ZFAND3: variants seen among roughly 807,000 people sequenced by gnomAD.
The protein encoded by ZFAND3 is zinc finger AN1-type containing 3.
A neutral mutation model predicts 29.6 loss-of-function variants in ZFAND3; 10 were observed. The observed-to-expected ratio is 0.34, with a 90% CI of 0.21 to 0.57. The LOEUF (loss-of-function observed/expected upper bound fraction) is 0.57. ZFAND3 is among the 20% of genes least tolerant of loss of function. The pLI, the probability that ZFAND3 is intolerant of heterozygous loss-of-function variation, is 0.86. For synonymous variants in ZFAND3, 128 were observed against 112.6 expected (o/e 1.14, Z -0.87); for missense variants, 230 against 304.5 (o/e 0.76, Z 1.82).
At chr6:38,149,664 C>T (rs1030713979) in intron 5 of ZFAND3, among the ~76,000 whole-genome samples, 1 of 152,126 alleles carries the variant, frequency 6.6e-6, no homozygotes, top group African/African-American at 2.4e-5. Flanking sequence ...GCTGGCTGCT[C>T]ACTAGCTGGC....
intron 2 of ZFAND3, among the ~76,000 whole-genome samples, chr6:38,048,339 A>T (rs1763949529): frequency 6.6e-6 from 1 of 151,698 alleles, no homozygotes; most frequent in Non-Finnish European, 1.5e-5. Flanking sequence ...AAATATATTC[A>T]GGCCGGGCGC....
chr6:38,053,393 T>G (rs1454674761), intron 2 of ZFAND3, among the ~76,000 whole-genome samples: 1 of 151,558 alleles, frequency 6.6e-6, no homozygotes, highest in Non-Finnish European at 1.5e-5. Context: ...TCAATTAAGA[T>G]GTTATCGAGT....
intron 2 of ZFAND3, among the ~76,000 whole-genome samples, chr6:37,954,330 A>G (rs1264801793): frequency 2.0e-5 from 3 of 152,112 alleles, no homozygotes; most frequent in East Asian, 3.9e-4. Context: ...CTTGAAGGAG[A>G]TAACTGATAG....
intron 5 of ZFAND3, among the ~76,000 whole-genome samples, chr6:38,135,048 A>G (rs1357216998): frequency 6.6e-6 from 1 of 152,206 alleles, no homozygotes; most frequent in South Asian, 2.1e-4. Context: ...AGGGGGCACT[A>G]GAACTGTTCA....
At chr6:38,094,757 T>G (rs1472588401) in intron 4 of ZFAND3, among the ~76,000 whole-genome samples, 1 of 152,228 alleles carries the variant, frequency 6.6e-6, no homozygotes, top group Non-Finnish European at 1.5e-5. Flanking sequence ...TCGGCTACAC[T>G]TGTAATTTTT....
At chr6:37,851,206 C>T (rs1050821643) in intron 1 of ZFAND3, among the ~76,000 whole-genome samples, 4 of 149,812 alleles carry the variant, frequency 2.7e-5, no homozygotes, top group African/African-American at 4.9e-5. Flanking sequence ...AGGCTGGTCT[C>T]GAACTCCTGA....
intron 4 of ZFAND3, among the ~76,000 whole-genome samples, chr6:38,101,298 C>T (rs1358039867): frequency 5.9e-5 from 9 of 152,120 alleles, no homozygotes; most frequent in Non-Finnish European, 1.2e-4. Context: ...CTCTCTTAAA[C>T]GTTGTACACA....
chr6:37,933,765 G>T (rs1479904516), intron 2 of ZFAND3, among the ~76,000 whole-genome samples: 3 of 151,478 alleles, frequency 2.0e-5, no homozygotes, highest in East Asian at 1.9e-4. Flanking sequence ...TTTTTTGTTT[G>T]TTTGTTTGTT....
In ZFAND3 at chr6:38,153,821, G is replaced by A. The variant is rs534511211; in HGVS notation, c.*1432G>A. On this transcript the variant is annotated 3_prime_UTR_variant, in exon 6 of 6. Coordinates refer to ENST00000287218, the MANE Select transcript of ZFAND3 (RefSeq NM_021943.3). ...CCTAGTGCCGCATCAGATCCAGGTG[G>A]GTGAGGGCAGGAGGCCCCTGCGGAG... The A allele has an allele frequency of 1.0e-6, 1 of 985,510 alleles. No individual in the cohort carries two copies. Among genetic ancestry groups the A allele is most frequent in the African/African-American group, 1.7e-5 (1 of 57,350 alleles). 61.0% of individuals were successfully genotyped at this position (985,510 alleles called of 1,614,324 possible).
At chr6:37,943,873 AT>A in intron 2 of ZFAND3, among the ~76,000 whole-genome samples, 1 of 152,172 alleles carries the variant, frequency 6.6e-6, no homozygotes, top group Non-Finnish European at 1.5e-5. Flanking sequence ...TTCATCTTTT[AT>A]TTGCATACTT....
chr6:38,078,731 C>T (rs568416391), intron 3 of ZFAND3, among the ~76,000 whole-genome samples: 2 of 152,308 alleles, frequency 1.3e-5, no homozygotes, highest in South Asian at 2.1e-4. Flanking sequence ...AACACACACA[C>T]ATACGTACTA....
chr6:37,843,841 A>G (rs1764125061), intron 1 of ZFAND3, among the ~76,000 whole-genome samples: 1 of 152,172 alleles, frequency 6.6e-6, no homozygotes, highest in South Asian at 2.1e-4. Flanking sequence ...TAAAAAAAAA[A>G]AAAGCTAATT....
intron 2 of ZFAND3, among the ~76,000 whole-genome samples, chr6:37,957,176 C>G (rs1269057906): frequency 1.3e-5 from 2 of 152,154 alleles, no homozygotes; most frequent in African/African-American, 4.8e-5. Context: ...GCAAGTTCCC[C>G]CCCTTTCTTC....
At chr6:37,927,125 A>G (rs981227042) in intron 1 of ZFAND3, among the ~76,000 whole-genome samples, 2 of 152,204 alleles carry the variant, frequency 1.3e-5, no homozygotes, top group Non-Finnish European at 2.9e-5. Flanking sequence ...TGTGGAATGG[A>G]TGTCATTTAG....
chr6:37,905,073 G>A lies in ZFAND3; in HGVS notation c.72-24886G>A, dbSNP rs146902206. Among the ~76,000 whole-genome samples, 396 of 152,156 alleles carry A rather than the reference G, an allele frequency of 2.6e-3. 2 individuals are homozygous for A. The highest frequency in any genetic ancestry group is 3.2e-3 in the Non-Finnish European group (217 of 67,962). ...AATGCAAAGATTCAAGTATCTTTGG[G>A]TAGAATCATGTCCTTTGAAATGTCA... On this transcript the variant is annotated intron_variant, in intron 1 of 5. Coordinates refer to ENST00000287218, the MANE Select transcript of ZFAND3 (RefSeq NM_021943.3).
At chr6:38,054,994 T>G (rs1015658393) in intron 2 of ZFAND3, among the ~76,000 whole-genome samples, 2 of 152,298 alleles carry the variant, frequency 1.3e-5, no homozygotes, top group African/African-American at 2.4e-5. Context: ...TTTAGAAAAC[T>G]AGAAATGTTT....
At chr6:37,985,014 AATGAT>A (rs1421305335) in intron 2 of ZFAND3, among the ~76,000 whole-genome samples, 1 of 152,214 alleles carries the variant, frequency 6.6e-6, no homozygotes, top group Non-Finnish European at 1.5e-5. Context: ...CTAATTGTTC[AATGAT>A]ATAAGACTTC....
At chr6:38,103,396 T>C (rs1283939220) in intron 4 of ZFAND3, among the ~76,000 whole-genome samples, 2 of 147,078 alleles carry the variant, frequency 1.4e-5, no homozygotes, top group African/African-American at 5.2e-5. Context: ...CACACACACA[T>C]ATATATACAC....
chr6:37,985,260 C>T (rs1762646790), intron 2 of ZFAND3, among the ~76,000 whole-genome samples: 1 of 152,054 alleles, frequency 6.6e-6, no homozygotes. Flanking sequence ...GAGTTTGAGG[C>T]CAGCCTGGGC....
Sources: allele counts gnomAD v4.1 joint callset (sites outside exome capture counted in the v4.1 genomes callset), GRCh38; gene constraint gnomAD v4.1.1; transcripts MANE v1.5; gene names NCBI Gene and HGNC (gene_info 2026-07-23, HGNC 2026-07-21).